The following SRD5A1 variants were observed in gnomAD, a reference collection of about 807,000 sequenced individuals.
SRD5A1 encodes steroid 5 alpha-reductase 1.
In SRD5A1, 22 loss-of-function variants were observed where a neutral mutation model predicts 28.2. The ratio of observed to expected loss-of-function variants is 0.78; its 90% CI spans 0.56 to 1.12. The LOEUF is 1.12. Ranked by LOEUF, SRD5A1 falls within the 50% of genes most tolerant of loss-of-function variation. SRD5A1 has a pLI of 0.00. For synonymous variants in SRD5A1, 151 were observed against 135.0 expected (o/e 1.12, Z -0.82); for missense variants, 300 against 346.7 (o/e 0.87, Z 1.07).
chr5:6,666,664 T>C (rs1472164936), intron 4 of SRD5A1, among the ~76,000 whole-genome samples: 2 of 152,164 alleles, frequency 1.3e-5, no homozygotes, highest in African/African-American at 4.8e-5. Flanking sequence ...AAATAAATAT[T>C]TTATTTCTAT....
At chr5:6,636,389 T>A (rs895964508) in intron 1 of SRD5A1, among the ~76,000 whole-genome samples, 1 of 152,158 alleles carries the variant, frequency 6.6e-6, no homozygotes. Context: ...ATGACTCTTA[T>A]GAAAGGCAGG....
intron 3 of SRD5A1, among the ~76,000 whole-genome samples, chr5:6,659,638 A>G (rs1477568138): frequency 6.6e-6 from 1 of 152,196 alleles, no homozygotes; most frequent in African/African-American, 2.4e-5. Context: ...GTGGACAGGA[A>G]ACAGTGACGA....
At chr5:6,666,752 A>G (rs996316618) in intron 4 of SRD5A1, among the ~76,000 whole-genome samples, 1 of 152,182 alleles carries the variant, frequency 6.6e-6, no homozygotes, top group African/African-American at 2.4e-5. Context: ...GACCTCACAC[A>G]TGTTCTTTCT....
rs1021065627 is a variant in SRD5A1 at position 6,633,448 on chromosome 5, CAG to C, written c.-126_-125del. ...AAGCCTGACTTGAGAACCCTTTCTGCAGAGTCCCGGCAGTGCGGGACTCCGGT... is the reference window on the plus strand; with the variant it reads ...AAGCCTGACTTGAGAACCCTTTCTGCAGTCCCGGCAGTGCGGGACTCCGGT... On this transcript the variant is annotated 5_prime_UTR_variant, in exon 1 of 5. Transcript: ENST00000274192. 1 of 1,104,648 alleles carries C rather than the reference CAG, an allele frequency of 9.1e-7. No individual in the cohort carries two copies. Among genetic ancestry groups the C allele is most frequent in the African/African-American group, 1.7e-5 (1 of 59,792 alleles). 68.4% of individuals were successfully genotyped at this position (1,104,648 alleles called of 1,614,324 possible).
chr5:6,654,209 T>C (rs968070769), intron 2 of SRD5A1, among the ~76,000 whole-genome samples: 3 of 152,000 alleles, frequency 2.0e-5, no homozygotes, highest in African/African-American at 7.2e-5. Flanking sequence ...CATGCCACTA[T>C]GCCCAACTAA....
chr5:6,666,405 C>T (rs554867274), intron 4 of SRD5A1, among the ~76,000 whole-genome samples: 1 of 152,204 alleles, frequency 6.6e-6, no homozygotes, highest in African/African-American at 2.4e-5. Context: ...GCCTCAGCCT[C>T]CCAAAGCACT....
intron 1 of SRD5A1, among the ~76,000 whole-genome samples, chr5:6,634,720 A>G (rs1338824161): frequency 6.6e-6 from 1 of 152,202 alleles, no homozygotes; most frequent in Non-Finnish European, 1.5e-5. Flanking sequence ...CTTAAAGATG[A>G]CTTCTAAATC....
chr5:6,641,113 T>C (rs1330015191), intron 1 of SRD5A1, among the ~76,000 whole-genome samples: 1 of 152,168 alleles, frequency 6.6e-6, no homozygotes, highest in Non-Finnish European at 1.5e-5. Context: ...GTAATTTATG[T>C]CCAGGCAGGT....
In SRD5A1 at chr5:6,651,655, G is replaced by T. The variant is rs8192185; in HGVS notation, c.294-187G>T. Among the ~76,000 whole-genome samples the T allele has an allele frequency of 4.2e-3, 640 of 152,206 alleles. 4 individuals are homozygous for T. Among genetic ancestry groups the T allele is most frequent in the African/African-American group, 0.015 (609 of 41,534 alleles). The stretch of plus-strand genomic sequence containing the variant: ...AGCCTGGGCAACACAGCAAGAACCT[G>T]TCTCAAAAAATAAAATTAAAATCAA... On this transcript the variant is annotated intron_variant, in intron 1 of 4. Coordinates refer to ENST00000274192, the MANE Select transcript of SRD5A1 (RefSeq NM_001047.4).
intron 2 of SRD5A1, among the ~76,000 whole-genome samples, chr5:6,655,765 C>T (rs1374788759): frequency 6.6e-6 from 1 of 152,172 alleles, no homozygotes. Flanking sequence ...CTCCCTGATG[C>T]TCCCTGGAAA....
intron 1 of SRD5A1, 101 bp from the exon 2 acceptor site, chr5:6,651,741 A>T: frequency 9.1e-7 from 1 of 1,097,674 alleles, no homozygotes; most frequent in Non-Finnish European, 1.3e-6. Context: ...TGACATTTGT[A>T]CAAGAAAGTA....
chr5:6,670,698 A>G lies in SRD5A1; in HGVS notation c.*2430A>G, dbSNP rs1192806833. 6.6e-6 allele frequency: 1 copy of G among 152,234 alleles called. No homozygotes were observed. The highest frequency in any genetic ancestry group is 2.4e-5 in the African/African-American group (1 of 41,454). The allele number at this position is 152,234 out of a possible 1,614,324, so 9.4% of individuals were successfully genotyped here. ...GCTAAAATAATGTTAGGTAGAAAAA[A>G]ATAACAAGAATAAAAGCAAGGAAAA... On this transcript the variant is annotated 3_prime_UTR_variant, in exon 5 of 5. Coordinates refer to ENST00000274192, the MANE Select transcript of SRD5A1 (RefSeq NM_001047.4).
At chr5:6,668,171 A>G (rs1454741896) in intron 4 of SRD5A1, 31 bp from the exon 5 acceptor site, 12 of 1,388,012 alleles carry the variant, frequency 8.6e-6, no homozygotes, top group Admixed American at 4.2e-5. Flanking sequence ...AAGCGACAGA[A>G]TTATTTCCTT....
intron 2 of SRD5A1, among the ~76,000 whole-genome samples, chr5:6,654,057 A>G (rs1422534513): frequency 2.1e-5 from 3 of 141,926 alleles, no homozygotes; most frequent in Admixed American, 7.1e-5. Flanking sequence ...AATAATAATA[A>G]TATATTTTTT....
chr5:6,651,435 A>G (rs555567247), intron 1 of SRD5A1, among the ~76,000 whole-genome samples: 1 of 152,300 alleles, frequency 6.6e-6, no homozygotes, highest in East Asian at 1.9e-4. Flanking sequence ...AGGCAGGAAG[A>G]TCACTTGAGG....
chr5:6,667,236 T>G (rs1342910028), intron 4 of SRD5A1, among the ~76,000 whole-genome samples: 2 of 152,232 alleles, frequency 1.3e-5, no homozygotes, highest in Admixed American at 1.3e-4. Context: ...CCAGGGGAAG[T>G]GACGCTTGAT....
At chr5:6,639,756 C>T (rs1738305912) in intron 1 of SRD5A1, among the ~76,000 whole-genome samples, 1 of 152,164 alleles carries the variant, frequency 6.6e-6, no homozygotes, top group South Asian at 2.1e-4. Context: ...GGTGCCAGGA[C>T]TTAAGATACT....
In SRD5A1 at chr5:6,659,402, C is replaced by T. The variant is rs149489908; in HGVS notation, c.562+3223C>T. On this transcript the variant is annotated intron_variant, in intron 3 of 4. Transcript: ENST00000274192. Reference sequence around the variant, plus strand: ...TGCTGGGATTACAGGCGTGAGCCACCGTGCCCGGCCAAAAAAGATCATTCT... The same window carrying T: ...TGCTGGGATTACAGGCGTGAGCCACTGTGCCCGGCCAAAAAAGATCATTCT... Among the ~76,000 whole-genome samples, 621 of 152,126 alleles carry T rather than the reference C, an allele frequency of 4.1e-3. 5 individuals are homozygous for T. The highest frequency in any genetic ancestry group is 0.014 in the African/African-American group (584 of 41,512).
rs1739390809 is a variant in SRD5A1, at chr5:6,672,511, G to C, written c.*4243G>C. 6.6e-6 allele frequency: 1 copy of C among 152,206 alleles called. No individual in the cohort carries two copies. Among genetic ancestry groups the C allele is most frequent in the Non-Finnish European group, 1.5e-5 (1 of 68,052 alleles). The allele number at this position is 152,206 out of a possible 1,614,324, so 9.4% of individuals were successfully genotyped here. A position where few individuals can be genotyped will look rare whatever the true frequency, so the allele number is the denominator to read the frequency against. On this transcript the variant is annotated 3_prime_UTR_variant, in exon 5 of 5. Transcript: ENST00000274192. ...GCTGGTCTTGAACTCCTGACCTCAA[G>C]TGATCCACCCACCTTGGCCTCCCAA...
Sources: gnomAD v4.1 joint callset for allele counts (sites outside exome capture counted in the v4.1 genomes callset) on GRCh38, gnomAD v4.1.1 for gene constraint, MANE v1.5 for transcripts, NCBI Gene and HGNC (gene_info 2026-07-23, HGNC 2026-07-21) for gene names.